Variants in TET1 observed in about 807,000 individuals in gnomAD.
The protein encoded by TET1 is tet methylcytosine dioxygenase 1, also known as methylcytosine dioxygenase TET1.
A neutral mutation model predicts 148.7 loss-of-function variants in TET1; 13 were observed. That is an observed-to-expected ratio of 0.09 (90% CI 0.06 to 0.14). The LOEUF is 0.14. TET1 is among the 10% of genes least tolerant of loss of function. The probability of loss-of-function intolerance (pLI) is 1.00; values close to 1 mark genes in which losing one functional copy is unlikely to be tolerated. For synonymous variants in TET1, 907 were observed against 937.2 expected (o/e 0.97, Z 0.59); for missense variants, 2,182 against 2,553.8 (o/e 0.85, Z 3.14).
chr10:68,565,885 T>C (rs1455378437), intron 1 of TET1, among the ~76,000 whole-genome samples: 4 of 152,142 alleles, frequency 2.6e-5, no homozygotes, highest in African/African-American at 4.8e-5. Context: ...TCCCCTGCAG[T>C]TGGGTTTTTC....
chr10:68,618,333 T>TA (rs1023967674), intron 3 of TET1, among the ~76,000 whole-genome samples: 49 of 151,740 alleles, frequency 3.2e-4, no homozygotes, highest in South Asian at 6.2e-4. Context: ...GCATATTTTT[T>TA]AAAAAAAATA....
At position 68,676,157 on chromosome 10, in the gene TET1, T is replaced by TTGTGTGTG. The variant is rs112413582; in HGVS notation, c.4824+3134_4824+3141dup. On this transcript the variant is annotated intron_variant, in intron 8 of 11. Coordinates refer to ENST00000373644, the MANE Select transcript of TET1 (RefSeq NM_030625.3). Reference sequence around the variant, plus strand: ...GGTGTGAGCCACAGCACCTGGCCTTTTGTGTGTGTGTGTGTGTGTGTGTGT... The same window carrying TTGTGTGTG: ...GGTGTGAGCCACAGCACCTGGCCTTTTGTGTGTGTGTGTGTGTGTGTGTGTGTGTGTGT... Among the ~76,000 whole-genome samples the TTGTGTGTG allele has an allele frequency of 6.7e-3, 864 of 129,186 alleles. 10 individuals are homozygous for TTGTGTGTG. The highest frequency in any genetic ancestry group is 0.014 in the East Asian group (62 of 4,584). The allele number at this position is 129,186 out of a possible 152,430, so 84.8% of individuals were successfully genotyped here.
intron 11 of TET1, among the ~76,000 whole-genome samples, chr10:68,687,458 T>G (rs2055530593): frequency 6.6e-6 from 1 of 152,204 alleles, no homozygotes; most frequent in South Asian, 2.1e-4. Context: ...GACATGACTT[T>G]CGGGATGCCT....
intron 2 of TET1, among the ~76,000 whole-genome samples, chr10:68,579,806 G>T (rs2053771084): frequency 6.6e-6 from 1 of 152,148 alleles, no homozygotes; most frequent in African/African-American, 2.4e-5. Flanking sequence ...TCTACTTGCT[G>T]CAGCAGTATA....
chr10:68,593,218 G>C (rs1311234350), intron 2 of TET1, among the ~76,000 whole-genome samples: 1 of 104,988 alleles, frequency 9.5e-6, no homozygotes, highest in African/African-American at 3.8e-5. Flanking sequence ...GCGAGAGAGT[G>C]AAACTCTGTC....
intron 1 of TET1, among the ~76,000 whole-genome samples, chr10:68,565,475 A>AAAATATATAT (rs1388182777): frequency 5.4e-5 from 7 of 129,228 alleles, no homozygotes; most frequent in South Asian, 2.6e-4. Flanking sequence ...AAAAAAAAAA[A>AAAATATATAT]ATATATATAT....
intron 2 of TET1, among the ~76,000 whole-genome samples, chr10:68,590,759 A>C (rs2053909694): frequency 6.6e-6 from 1 of 152,116 alleles, no homozygotes; most frequent in Admixed American, 6.6e-5. Flanking sequence ...ACTAGTGTAC[A>C]CCACCCTGGG....
At position 68,571,545 on chromosome 10, in the gene TET1, C is replaced by T. The variant is rs1011633600; in HGVS notation, c.-122-672C>T. Among the ~76,000 whole-genome samples the T allele has an allele frequency of 2.0e-3, 299 of 151,270 alleles. 2 individuals are homozygous for T. The highest frequency in any genetic ancestry group is 6.7e-3 in the African/African-American group (275 of 41,150). On this transcript the variant is annotated intron_variant, in intron 1 of 11. Coordinates refer to ENST00000373644, the MANE Select transcript of TET1 (RefSeq NM_030625.3). ...GCTCCCAAAGTGCTAGGATTACAGG[C>T]GTGAGCCACTGCGCCTGGCAATTTT... is the stretch of plus-strand genomic sequence containing the variant.
At chr10:68,586,626 C>G (rs1343232935) in intron 2 of TET1, among the ~76,000 whole-genome samples, 2 of 150,896 alleles carry the variant, frequency 1.3e-5, no homozygotes, top group African/African-American at 4.9e-5. Context: ...AGGCACTGTG[C>G]CCAGCCTCAC....
intron 11 of TET1, among the ~76,000 whole-genome samples, chr10:68,687,576 CTTTGTTAT>C (rs1212772913): frequency 6.6e-6 from 1 of 151,772 alleles, no homozygotes; most frequent in Non-Finnish European, 1.5e-5. Flanking sequence ...TGTTTTGTTT[CTTTGTTAT>C]TTTGTTTTTG....
chr10:68,564,895 T>A (rs1435688193), intron 1 of TET1, among the ~76,000 whole-genome samples: 1 of 152,074 alleles, frequency 6.6e-6, no homozygotes, highest in Non-Finnish European at 1.5e-5. Flanking sequence ...TGGTGGCCTG[T>A]GCTTGTAATT....
intron 6 of TET1, among the ~76,000 whole-genome samples, chr10:68,652,831 A>G (rs796690866): frequency 7.5e-6 from 1 of 133,448 alleles, no homozygotes; most frequent in Non-Finnish European, 1.6e-5. Context: ...AAGACTTGCC[A>G]CCAAACCCGG....
In TET1 at chr10:68,646,408, A is replaced by G. The variant is rs761130450; in HGVS notation, c.3679A>G (p.Arg1227Gly). Residue 1227 changes from arginine to glycine, a missense_variant, in exon 4 of 12, where the codon AGG becomes GGG. Physicochemically the swap from Arg to Gly is moderately radical, Grantham distance 125. This residue lies in a region of TET1 where 582 missense variants were observed against 599.5 expected (regional missense o/e 0.97). Coordinates refer to ENST00000373644, the MANE Select transcript of TET1 (RefSeq NM_030625.3). ...AATATGGAAACCACTGGCTCAAACG[A>G]GGTCCATTATGCAACCCAAAACAGT... ...TKIWKPLAQT[R>G]SIMQPKTVFP... is the part of the protein sequence containing the mutation. 1 of 1,614,198 alleles carries G rather than the reference A, an allele frequency of 6.2e-7. No individual in the cohort carries two copies.
chr10:68,566,327 T>C (rs1292317014), intron 1 of TET1, among the ~76,000 whole-genome samples: 3 of 152,222 alleles, frequency 2.0e-5, no homozygotes, highest in Non-Finnish European at 4.4e-5. Flanking sequence ...GAATTGCTTT[T>C]TGTAATGAAA....
At chr10:68,561,730 T>C (rs1451889938) in intron 1 of TET1, among the ~76,000 whole-genome samples, 2 of 109,244 alleles carry the variant, frequency 1.8e-5, no homozygotes, top group African/African-American at 7.0e-5. Flanking sequence ...TCCCCGCCTC[T>C]CTCGCCCCAG....
Position 68,693,058 on chromosome 10 carries a change from T to G in TET1, c.*1244T>G. The G allele has an allele frequency of 4.3e-6, 1 of 230,146 alleles. No individual in the cohort carries two copies. Among genetic ancestry groups the G allele is most frequent in the Non-Finnish European group, 8.5e-6 (1 of 117,080 alleles). The allele number at this position is 230,146 out of a possible 1,614,324, so 14.3% of individuals were successfully genotyped here. A position where few individuals can be genotyped will look rare whatever the true frequency, so the allele number is the denominator to read the frequency against. On this transcript the variant is annotated 3_prime_UTR_variant, in exon 12 of 12. Coordinates refer to ENST00000373644, the MANE Select transcript of TET1 (RefSeq NM_030625.3). ...GTACTACAAACATGGCTTTGTCCAT[T>G]AAGAGCTAATTCATTTGTTTATCTT...
rs935789803 is a variant in TET1, at chr10:68,646,426, A to C, written c.3697A>C (p.Lys1233Gln). ...TCAAACGAGGTCCATTATGCAACCC[A>C]AAACAGTATTTCCACCACTCACTCA... ...LAQTRSIMQP[K>Q]TVFPPLTQIK... Residue 1233 changes from lysine (K) to glutamine (Q), a missense_variant, in exon 4 of 12, where the codon AAA becomes CAA. Lys to Gln is a moderately conservative substitution (Grantham distance 53, BLOSUM62 1). Around this residue, in one of 11 missense-constraint regions of TET1, gnomAD observed 582 missense variants for 599.5 expected, o/e 0.97. Coordinates refer to ENST00000373644, the MANE Select transcript of TET1 (RefSeq NM_030625.3). 2.5e-6 allele frequency: 4 copies of C among 1,614,226 alleles called. No individual in the cohort carries two copies. Among genetic ancestry groups the C allele is most frequent in the East Asian group, 4.5e-5 (2 of 44,888 alleles).
intron 2 of TET1, among the ~76,000 whole-genome samples, chr10:68,589,380 T>C (rs2053894178): frequency 6.6e-6 from 1 of 152,198 alleles, no homozygotes; most frequent in African/African-American, 2.4e-5. Flanking sequence ...TATGATGCAA[T>C]TAGCATGGAG....
At chr10:68,562,765 C>G (rs1459349451) in intron 1 of TET1, among the ~76,000 whole-genome samples, 1 of 152,106 alleles carries the variant, frequency 6.6e-6, no homozygotes, top group Non-Finnish European at 1.5e-5. Flanking sequence ...TCTCTTCCTT[C>G]TCCCATCTGA....
Sources: allele counts gnomAD v4.1 joint callset (sites outside exome capture counted in the v4.1 genomes callset), GRCh38; gene constraint gnomAD v4.1.1; regional missense constraint gnomAD v4.1.1; transcripts MANE v1.5; gene names NCBI Gene and HGNC (gene_info 2026-07-23, HGNC 2026-07-21).